Variants in TRAPPC9 observed in about 807,000 individuals in gnomAD.
The protein encoded by TRAPPC9 is trafficking protein particle complex subunit 9.
In TRAPPC9, 83 loss-of-function variants were observed where a neutral mutation model predicts 124.0. The ratio of observed to expected loss-of-function variants is 0.67; its 90% CI spans 0.56 to 0.80. TRAPPC9 has a LOEUF of 0.80. TRAPPC9 is among the 30% of genes least tolerant of loss of function. TRAPPC9 has a pLI of 0.00. For missense variants in TRAPPC9, 1,302 were observed against 1,508.3 expected (o/e 0.86, Z 2.27); for synonymous variants, 638 against 617.5 (o/e 1.03, Z -0.49).
intron 17 of TRAPPC9, among the ~76,000 whole-genome samples, chr8:140,190,065 A>T (rs1345880940): frequency 2.0e-5 from 3 of 152,230 alleles, no homozygotes; most frequent in Non-Finnish European, 4.4e-5. Flanking sequence ...AAAGCTAACA[A>T]GCGCCTGTTG....
At position 139,836,343 on chromosome 8, in the gene TRAPPC9, C is replaced by T. The variant is rs79065030; in HGVS notation, c.3055+49536G>A. Among the ~76,000 whole-genome samples, 944 of 152,330 alleles carry T rather than the reference C, an allele frequency of 6.2e-3. 4 individuals carry two copies. Among genetic ancestry groups the T allele is most frequent in the Non-Finnish European group, 0.01 (681 of 68,034 alleles). On this transcript the variant is annotated intron_variant, in intron 21 of 22. Coordinates refer to ENST00000438773, the MANE Select transcript of TRAPPC9 (RefSeq NM_001160372.4). ...AGTTCTGAAAGAAGAACCAGCTCTC[C>T]ATCTCAGACCCCGGAGCGGGACCGA...
intron 17 of TRAPPC9, among the ~76,000 whole-genome samples, chr8:140,137,012 G>A (rs1038031172): frequency 1.3e-5 from 2 of 152,142 alleles, no homozygotes; most frequent in Non-Finnish European, 1.5e-5. Flanking sequence ...TAAGCTGCAG[G>A]ACTGGACAGG....
At chr8:139,831,418 ACACT>A (rs1276464900) in intron 21 of TRAPPC9, among the ~76,000 whole-genome samples, 2 of 152,176 alleles carry the variant, frequency 1.3e-5, no homozygotes, top group Non-Finnish European at 2.9e-5. Flanking sequence ...ATTTATACAC[ACACT>A]CTTCCCACGC....
chr8:140,200,932 A>G (rs1275731544), intron 17 of TRAPPC9, among the ~76,000 whole-genome samples: 1 of 152,240 alleles, frequency 6.6e-6, no homozygotes, highest in East Asian at 1.9e-4. Context: ...TCTCTGTTCC[A>G]TCTTTGCAGC....
At chr8:140,171,943 G>T (rs931442153) in intron 17 of TRAPPC9, among the ~76,000 whole-genome samples, 14 of 152,218 alleles carry the variant, frequency 9.2e-5, no homozygotes, top group African/African-American at 3.4e-4. Flanking sequence ...GGCGGCGTGA[G>T]GAGGGCAGAA....
intron 9 of TRAPPC9, among the ~76,000 whole-genome samples, chr8:140,327,417 C>CA (rs1034877081): frequency 9.2e-5 from 14 of 152,226 alleles, no homozygotes; most frequent in Non-Finnish European, 1.9e-4. Context: ...ACATATATAC[C>CA]AAAAACCATT....
intron 17 of TRAPPC9, among the ~76,000 whole-genome samples, chr8:140,094,379 A>C (rs111774586): frequency 1.1e-3 from 164 of 152,330 alleles, no homozygotes; most frequent in Middle Eastern, 3.4e-3. Context: ...AGGCAGGCGC[A>C]GATCGGGCTG....
intron 17 of TRAPPC9, among the ~76,000 whole-genome samples, chr8:140,044,676 C>T (rs1331936082): frequency 3.3e-5 from 5 of 152,214 alleles, no homozygotes; most frequent in African/African-American, 7.2e-5. Context: ...GCAACACCTT[C>T]GGCACTGATA....
At chr8:139,816,790 G>A (rs1041175613) in intron 21 of TRAPPC9, among the ~76,000 whole-genome samples, 1 of 152,010 alleles carries the variant, frequency 6.6e-6, no homozygotes, top group African/African-American at 2.4e-5. Context: ...CACTGTCTTG[G>A]GTCCGCCAAC....
intron 16 of TRAPPC9, among the ~76,000 whole-genome samples, chr8:140,228,929 G>A (rs1453378031): frequency 6.6e-6 from 1 of 152,110 alleles, no homozygotes; most frequent in Non-Finnish European, 1.5e-5. Flanking sequence ...TAGACCAGAA[G>A]CTAACCTCCC....
chr8:140,411,611 G>A (rs888344961), intron 5 of TRAPPC9, among the ~76,000 whole-genome samples: 1 of 152,084 alleles, frequency 6.6e-6, no homozygotes, highest in Non-Finnish European at 1.5e-5. Flanking sequence ...CAAAGTGCTG[G>A]GATTACAGGT....
At chr8:139,875,290 C>T (rs1371661710) in intron 21 of TRAPPC9, among the ~76,000 whole-genome samples, 1 of 152,056 alleles carries the variant, frequency 6.6e-6, no homozygotes, top group Non-Finnish European at 1.5e-5. Context: ...TTTCCTTTCT[C>T]CCGTCCACAT....
intron 18 of TRAPPC9, among the ~76,000 whole-genome samples, chr8:140,001,241 G>C (rs1188781302): frequency 2.6e-5 from 4 of 152,074 alleles, no homozygotes; most frequent in African/African-American, 9.7e-5. Context: ...ACGCACACCA[G>C]GGGGGTGAGG....
chr8:140,071,998 A>T (rs947126074), intron 17 of TRAPPC9, among the ~76,000 whole-genome samples: 1 of 152,210 alleles, frequency 6.6e-6, no homozygotes, highest in African/African-American at 2.4e-5. Context: ...ACGCAGAAAA[A>T]GCACCTAACA....
intron 6 of TRAPPC9, among the ~76,000 whole-genome samples, chr8:140,404,049 G>A (rs2069383705): frequency 6.6e-6 from 1 of 152,152 alleles, no homozygotes; most frequent in Non-Finnish European, 1.5e-5. Context: ...ATGCATAGGG[G>A]CATTTATCAG....
intron 5 of TRAPPC9, among the ~76,000 whole-genome samples, chr8:140,407,312 ATAAGT>A (rs2132440448): frequency 6.6e-6 from 1 of 152,284 alleles, no homozygotes; most frequent in South Asian, 2.1e-4. Context: ...TGTTTCTAGC[ATAAGT>A]TAATATTTAA....
Position 140,311,289 on chromosome 8 carries a change from G to T in TRAPPC9, c.1581C>A (p.Leu527=). The change falls in exon 10 of 23, where the codon CTC becomes CTA. Residue 527 remains leucine (L), a synonymous_variant. Coordinates refer to ENST00000438773, the MANE Select transcript of TRAPPC9 (RefSeq NM_001160372.4). ...TMEPIALPGG[L]TLPPVPFTKL... ...TGGTGAAGGGCACCGGTGGCAGGGT[G>T]AGGCCGCCAGGGAGGGCGATGGGCT... The T allele has an allele frequency of 6.2e-7, 1 of 1,613,468 alleles. No homozygotes were observed.
intron 18 of TRAPPC9, among the ~76,000 whole-genome samples, chr8:140,019,542 CTTTTTTTTTTTTTTT>C (rs71320340): frequency 2.9e-3 from 129 of 43,868 alleles, no homozygotes; most frequent in African/African-American, 0.011. Flanking sequence ...TAATTTGTGT[CTTTTTTTTTTTTTTT>C]TTTTTTTTTT....
chr8:139,903,968 C>A (rs1306757199), intron 20 of TRAPPC9, among the ~76,000 whole-genome samples: 1 of 152,140 alleles, frequency 6.6e-6, no homozygotes, highest in Non-Finnish European at 1.5e-5. Context: ...CTCTCTGCAA[C>A]CATTGCACTC....
Sources: gnomAD v4.1 joint callset for allele counts (sites outside exome capture counted in the v4.1 genomes callset) on GRCh38, gnomAD v4.1.1 for gene constraint, MANE v1.5 for transcripts, NCBI Gene and HGNC (gene_info 2026-07-23, HGNC 2026-07-21) for gene names.